CSMD3: variants seen among roughly 807,000 people sequenced by gnomAD.
The protein encoded by CSMD3 is CUB and Sushi multiple domains 3.
Under a neutral mutation model 435.2 loss-of-function variants are expected in CSMD3, and 177 were observed. The ratio of observed to expected loss-of-function variants is 0.41; its 90% CI spans 0.36 to 0.46. CSMD3 has a LOEUF of 0.46. Among genes scored for constraint, CSMD3 ranks in the 20% least tolerant of loss-of-function variants. CSMD3 has a pLI of 0.34. For missense variants in CSMD3, 4,265 were observed against 4,504.6 expected (o/e 0.95, Z 1.52); for synonymous variants, 1,656 against 1,520.5 (o/e 1.09, Z -2.07).
intron 3 of CSMD3, among the ~76,000 whole-genome samples, chr8:113,220,308 T>C (rs2092952013): frequency 6.6e-6 from 1 of 151,358 alleles, no homozygotes. Flanking sequence ...GAGAAATGGC[T>C]GATTCTAGAA....
chr8:112,865,166 T>G (rs2511529), intron 10 of CSMD3, among the ~76,000 whole-genome samples: 121,410 of 152,140 alleles, frequency 0.8, 49,239 homozygotes, highest in East Asian at 0.93. Flanking sequence ...CTAGGAATAA[T>G]GTTAAGTACA....
chr8:112,709,246 A>C (rs1427586490), intron 13 of CSMD3, among the ~76,000 whole-genome samples: 1 of 152,142 alleles, frequency 6.6e-6, no homozygotes, highest in African/African-American at 2.4e-5. Flanking sequence ...CATTACATAA[A>C]AAGTAAATGT....
chr8:112,957,584 G>C (rs1448828083), intron 7 of CSMD3, among the ~76,000 whole-genome samples: 9 of 151,508 alleles, frequency 5.9e-5, no homozygotes, highest in Non-Finnish European at 1.0e-4. Context: ...CCCTCGAGTA[G>C]CTGGGATTAC....
At chr8:112,352,560 T>G (rs1318308501) in intron 38 of CSMD3, 26 bp from the exon 39 acceptor site, 2 of 1,576,938 alleles carry the variant, frequency 1.3e-6, no homozygotes, top group Non-Finnish European at 1.7e-6. Context: ...GATAACAATT[T>G]AAGTAACTTT....
At chr8:112,902,459 G>A (rs1465631820) in intron 10 of CSMD3, among the ~76,000 whole-genome samples, 1 of 151,252 alleles carries the variant, frequency 6.6e-6, no homozygotes, top group African/African-American at 2.4e-5. Flanking sequence ...CTTTTCCTTT[G>A]AGGAGAAAAT....
At chr8:112,474,662 G>C (rs147371187) in intron 31 of CSMD3, among the ~76,000 whole-genome samples, 112 of 152,226 alleles carry the variant, frequency 7.4e-4, no homozygotes, top group African/African-American at 2.6e-3. Flanking sequence ...AAAGAGCACT[G>C]CATGCAGGGA....
At chr8:112,292,409 A>G in intron 55 of CSMD3, 128 bp downstream of exon 55, 1 of 817,238 alleles carries the variant, frequency 1.2e-6, no homozygotes, top group Admixed American at 2.0e-5. Flanking sequence ...TGACATCAGT[A>G]TTAAAGCTTT....
At chr8:112,403,699 GC>G (rs1831523646) in intron 35 of CSMD3, among the ~76,000 whole-genome samples, 1 of 151,900 alleles carries the variant, frequency 6.6e-6, no homozygotes. Flanking sequence ...CCTTCCAAAG[GC>G]CCCACTTCTT....
intron 2 of CSMD3, 163 bp downstream of exon 2, chr8:113,314,408 G>A: frequency 3.2e-6 from 2 of 619,130 alleles, no homozygotes; most frequent in Non-Finnish European, 2.9e-6. Flanking sequence ...GAGACACCAA[G>A]CTAATTTGTT....
chr8:112,561,091 T>A (rs1563704648), intron 24 of CSMD3, among the ~76,000 whole-genome samples: 1 of 151,700 alleles, frequency 6.6e-6, no homozygotes, highest in African/African-American at 2.4e-5. Flanking sequence ...CAATAGTATA[T>A]AAGCTACAAA....
intron 12 of CSMD3, among the ~76,000 whole-genome samples, chr8:112,801,127 C>G (rs2078950914): frequency 6.6e-6 from 1 of 151,902 alleles, no homozygotes; most frequent in Non-Finnish European, 1.5e-5. Flanking sequence ...AGACAGGTTT[C>G]CAAAGGAAGA....
chr8:112,537,476 A>T (rs1826230694), intron 27 of CSMD3, among the ~76,000 whole-genome samples: 1 of 151,986 alleles, frequency 6.6e-6, no homozygotes, highest in Non-Finnish European at 1.5e-5. Flanking sequence ...AACTAAATTA[A>T]CAATTTTTTC....
chr8:113,150,027 T>C (rs572186509), intron 4 of CSMD3, among the ~76,000 whole-genome samples: 67 of 151,882 alleles, frequency 4.4e-4, no homozygotes, highest in African/African-American at 1.5e-3. Context: ...ATTAACTAGT[T>C]GTGAGGAGAT....
intron 3 of CSMD3, among the ~76,000 whole-genome samples, chr8:113,263,693 A>G (rs541910834): frequency 1.1e-4 from 16 of 151,978 alleles, no homozygotes; most frequent in African/African-American, 3.9e-4. Flanking sequence ...TCACTTGAAC[A>G]TATATGATTA....
At chr8:112,536,241 C>A (rs547989968) in intron 27 of CSMD3, among the ~76,000 whole-genome samples, 132 of 149,138 alleles carry the variant, frequency 8.9e-4, no homozygotes, top group African/African-American at 3.2e-3. Flanking sequence ...AGGCAACCTA[C>A]AAAATGGGAG....
At chr8:112,893,689 T>G (rs78725422) in intron 10 of CSMD3, among the ~76,000 whole-genome samples, 43 of 151,598 alleles carry the variant, frequency 2.8e-4, no homozygotes, top group African/African-American at 1.0e-3. Context: ...TATTGCTAAC[T>G]GTGACTTTGA....
At chr8:113,108,292 G>A (rs538052047) in intron 4 of CSMD3, among the ~76,000 whole-genome samples, 1 of 152,152 alleles carries the variant, frequency 6.6e-6, no homozygotes, top group South Asian at 2.1e-4. Context: ...GCGGGGCGTG[G>A]TGGCAGGTGC....
chr8:113,303,897 A>C (rs376167652), intron 2 of CSMD3, among the ~76,000 whole-genome samples: 2 of 137,278 alleles, frequency 1.5e-5, no homozygotes, highest in Non-Finnish European at 3.1e-5. Flanking sequence ...GCAACAAAAG[A>C]CAAAATTGAA....
chr8:112,499,621 T>C (rs1184169921), intron 30 of CSMD3, among the ~76,000 whole-genome samples: 2 of 152,206 alleles, frequency 1.3e-5, no homozygotes, highest in South Asian at 2.1e-4. Flanking sequence ...AAATTTATAA[T>C]ATAATAAGTT....
Sources: gnomAD v4.1 joint callset for allele counts (sites outside exome capture counted in the v4.1 genomes callset) on GRCh38, gnomAD v4.1.1 for gene constraint, MANE v1.5 for transcripts, NCBI Gene and HGNC (gene_info 2026-07-23, HGNC 2026-07-21) for gene names.